Variants in NPC1 observed in about 807,000 individuals in gnomAD.
NPC1 encodes the protein NPC intracellular cholesterol transporter 1.
Under a neutral mutation model 140.4 loss-of-function variants are expected in NPC1, and 85 were observed. That is an observed-to-expected ratio of 0.61 (90% confidence interval 0.51 to 0.72). The LOEUF (loss-of-function observed/expected upper bound fraction) is 0.72. Among genes scored for constraint, NPC1 ranks in the 30% least tolerant of loss-of-function variants. The pLI, the probability that NPC1 is intolerant of heterozygous loss-of-function variation, is 0.00. For missense variants in NPC1, 1,504 were observed against 1,623.8 expected, an observed-to-expected ratio of 0.93 and a Z score of 1.27; for synonymous variants, 656 against 624.8, an observed-to-expected ratio of 1.05 and a Z score of -0.74.
chr18:23,533,307 C>G, intron 24 of NPC1, 48 bp downstream of exon 24: 1 of 1,542,992 alleles, frequency 6.5e-7, no homozygotes, highest in South Asian at 1.1e-5. Flanking sequence ...AATTCCCTTT[C>G]AGTAATGTCC....
intron 1 of NPC1, 90 bp downstream of exon 1, chr18:23,586,197 G>C: frequency 7.1e-7 from 1 of 1,411,520 alleles, no homozygotes; most frequent in Non-Finnish European, 9.5e-7. Flanking sequence ...CCAGGACCCG[G>C]GCCTGAGCCG....
chr18:23,540,109 T>C, intron 17 of NPC1, 108 bp from the exon 18 acceptor site: 1 of 915,568 alleles, frequency 1.1e-6, no homozygotes, highest in South Asian at 1.4e-5. Flanking sequence ...CTGGCTGAGA[T>C]GCCTCCAGCT....
chr18:23,561,335 C>A, intron 5 of NPC1, 25 bp downstream of exon 5: 1 of 1,613,734 alleles, frequency 6.2e-7, no homozygotes. Flanking sequence ...CATAAACACA[C>A]CAAACTTGGA....
At chr18:23,568,769 G>T in intron 4 of NPC1, 54 bp downstream of exon 4, 1 of 1,395,860 alleles carries the variant, frequency 7.2e-7, no homozygotes, top group East Asian at 2.3e-5. Flanking sequence ...GGAACAATTT[G>T]CTCTGCTGTC....
chr18:23,530,407 T>G (rs1283551451), downstream of NPC1: 3 of 1,614,122 alleles, frequency 1.9e-6, no homozygotes, highest in South Asian at 2.2e-5. Context: ...CAGCAAATGA[T>G]GAAATAGTAG....
chr18:23,514,237 T>G (rs1167454641), intron 3 of NPC1, among the ~76,000 whole-genome samples: 1 of 152,194 alleles, frequency 6.6e-6, no homozygotes, highest in African/African-American at 2.4e-5. Flanking sequence ...AATGACTGGC[T>G]GGGCACGGTG....
intron 6 of NPC1, 112 bp from the exon 7 acceptor site, chr18:23,557,302 C>G (rs2058968750): frequency 2.5e-6 from 2 of 784,820 alleles, no homozygotes; most frequent in Non-Finnish European, 4.4e-6. Flanking sequence ...TGGCCTCCTC[C>G]TCCCTAATTA....
chr18:23,513,180 C>G (rs2057909312), intron 3 of NPC1, among the ~76,000 whole-genome samples: 1 of 152,182 alleles, frequency 6.6e-6, no homozygotes, highest in Non-Finnish European at 1.5e-5. Context: ...TCTTGAACTC[C>G]TGACTTCAGG....
At chr18:23,546,451 A>G (rs1222316471) in intron 11 of NPC1, among the ~76,000 whole-genome samples, 1 of 152,154 alleles carries the variant, frequency 6.6e-6, no homozygotes, top group African/African-American at 2.4e-5. Context: ...TTTGGAAAAC[A>G]GTCTGGCAGT....
chr18:23,546,076 C>T (rs2058784598), intron 11 of NPC1, among the ~76,000 whole-genome samples: 1 of 151,774 alleles, frequency 6.6e-6, no homozygotes, highest in Non-Finnish European at 1.5e-5. Flanking sequence ...TGGTGAAAGC[C>T]CGTCTCTACT....
At chr18:23,557,584 G>A (rs1442591278) in intron 6 of NPC1, among the ~76,000 whole-genome samples, 3 of 152,126 alleles carry the variant, frequency 2.0e-5, no homozygotes, top group African/African-American at 7.2e-5. Context: ...GTGAAACCCT[G>A]TCTCTACTAA....
At chr18:23,517,252 C>T (rs555831919) in intron 3 of NPC1, among the ~76,000 whole-genome samples, 13 of 151,718 alleles carry the variant, frequency 8.6e-5, no homozygotes, top group South Asian at 4.2e-4. Flanking sequence ...CAGGTTCAAG[C>T]GATTCTCCTG....
In NPC1 at chr18:23,535,551, G is replaced by A. The variant is rs1381881320; in HGVS notation, c.3395C>T (p.Ala1132Val). The A allele has an allele frequency of 6.2e-7, 1 of 1,614,088 alleles. No homozygotes were observed. The highest frequency in any genetic ancestry group is 1.1e-5 in the South Asian group (1 of 91,062). The change falls in exon 22 of 25, where the codon GCC becomes GTC. Residue 1132 changes from alanine to valine, a missense_variant. Ala to Val is a moderately conservative substitution (Grantham distance 64). Coordinates refer to ENST00000269228, the MANE Select transcript of NPC1 (RefSeq NM_000271.5). ...TCCAAACATGTTGACCAAGACCATG[G>A]CGATGGTGGCACACATGATGACTGC... is the stretch of plus-strand genomic sequence containing the variant. ...WSAVIMCATI[A>V]MVLVNMFGVM...
downstream of NPC1, among the ~76,000 whole-genome samples, chr18:23,527,005 G>C (rs2058316389): frequency 6.6e-6 from 1 of 152,132 alleles, no homozygotes; most frequent in Non-Finnish European, 1.5e-5. Context: ...GGGCACACAG[G>C]AGGGGAGTGG....
chr18:23,532,796 C>G, intron 24 of NPC1: 1 of 814,258 alleles, frequency 1.2e-6, no homozygotes, highest in East Asian at 1.3e-4. Context: ...TTTTCTTAAT[C>G]TTCTACTTCA....
At chr18:23,566,474 G>A (rs1040388623) in intron 4 of NPC1, among the ~76,000 whole-genome samples, 1 of 152,104 alleles carries the variant, frequency 6.6e-6, no homozygotes, top group Non-Finnish European at 1.5e-5. Flanking sequence ...GCCAGGTGTG[G>A]TGGCTCACAC....
At chr18:23,516,052 G>C in intron 3 of NPC1, 1 of 1,610,936 alleles carries the variant, frequency 6.2e-7, no homozygotes, top group Non-Finnish European at 8.5e-7. Context: ...CCCTGTTCCT[G>C]TAGCATCCTA....
rs748837410 is a variant in NPC1, at chr18:23,539,436, C to T, written c.2830G>A (p.Asp944Asn). Residue 944 changes from aspartate (D) to asparagine (N), a missense_variant, in exon 19 of 25, where the codon GAC (aspartate) becomes AAC (asparagine). Transcript: ENST00000269228. ...RIGFAPSSWI[D>N]DYFDWVKPQS... ...GGCTTCACCCAGTCGAAATAATCGT[C>T]GATCCAGGACGAGGGGGCGAAGCCT... 10 of 1,613,450 alleles carry T rather than the reference C, an allele frequency of 6.2e-6. No individual in the cohort carries two copies. The Admixed American group carries it at 1.0e-4, about 16-fold the overall frequency.
chr18:23,507,584 T>C (rs1270392516), intron 3 of NPC1, among the ~76,000 whole-genome samples: 1 of 152,212 alleles, frequency 6.6e-6, no homozygotes, highest in East Asian at 1.9e-4. Flanking sequence ...ATGTTCACCA[T>C]TGCCGTTTGT....
Sources: gnomAD v4.1 joint callset for allele counts (sites outside exome capture counted in the v4.1 genomes callset) on GRCh38, gnomAD v4.1.1 for gene constraint, MANE v1.5 for transcripts, NCBI Gene and HGNC (gene_info 2026-07-23, HGNC 2026-07-21) for gene names.